The following PKD2 variants were observed in gnomAD, a reference collection of about 807,000 sequenced individuals.
The protein encoded by PKD2 is polycystin-2.
PKD2 carries 48 observed loss-of-function variants against 105.9 expected under a neutral mutation model. That is an observed-to-expected ratio of 0.45 (90% CI 0.36 to 0.58). The LOEUF is 0.58. Ranked by LOEUF, PKD2 falls within the 20% of genes least tolerant of loss-of-function variation. The probability of loss-of-function intolerance (pLI) is 0.00; values close to 1 mark genes in which losing one functional copy is unlikely to be tolerated. For missense variants in PKD2, 1,078 were observed against 1,255.3 expected (o/e 0.86, Z 2.13); for synonymous variants, 464 against 481.1 (o/e 0.96, Z 0.46).
chr4:88,025,885 A>T (rs1726943307), intron 2 of PKD2, among the ~76,000 whole-genome samples: 1 of 152,120 alleles, frequency 6.6e-6, no homozygotes, highest in African/African-American at 2.4e-5. Flanking sequence ...CCTTGTGAAG[A>T]AGGTACTTCC....
intron 3 of PKD2, 72 bp downstream of exon 3, chr4:88,036,425 C>T: frequency 1.2e-6 from 2 of 1,602,742 alleles, no homozygotes; most frequent in Non-Finnish European, 1.7e-6. Flanking sequence ...CATTTCAATG[C>T]ATGAGTATCG....
intron 2 of PKD2, among the ~76,000 whole-genome samples, chr4:88,028,485 C>T (rs1401163178): frequency 6.6e-6 from 1 of 152,210 alleles, no homozygotes; most frequent in Non-Finnish European, 1.5e-5. Flanking sequence ...CTGGAGGGCT[C>T]CTCGCCCTTT....
rs17013754 is a variant in PKD2 at position 88,046,681 on chromosome 4, A to G, written c.1359A>G (p.Pro453=). 1.8e-3 allele frequency: 2,901 copies of G among 1,613,526 alleles called. 33 individuals are homozygous for G. The African/African-American group carries it at 0.032, about 18-fold the overall frequency. ...TCCCAGCAACAGGTGGTGTGATTCC[A>G]TCTTGGCAATTTCAGCCTTTAAAGC... ...VEFPATGGVI[P]SWQFQPLKLI... Residue 453 remains proline (P), a synonymous_variant, in exon 6 of 15, where the codon CCA becomes CCG. Transcript: ENST00000237596.
intron 6 of PKD2, among the ~76,000 whole-genome samples, chr4:88,048,736 A>G (rs543872286): frequency 1.3e-5 from 2 of 152,348 alleles, no homozygotes; most frequent in South Asian, 4.1e-4. Context: ...TACGATGGCC[A>G]TACAACATCA....
At chr4:88,060,334 A>C (rs569991281) in intron 9 of PKD2, among the ~76,000 whole-genome samples, 1 of 152,304 alleles carries the variant, frequency 6.6e-6, no homozygotes, top group East Asian at 1.9e-4. Context: ...ACAGAATTGT[A>C]AACAATATTC....
At chr4:88,020,275 T>C (rs1477981740) in intron 2 of PKD2, among the ~76,000 whole-genome samples, 1 of 152,240 alleles carries the variant, frequency 6.6e-6, no homozygotes, top group African/African-American at 2.4e-5. Context: ...GCTACTAATA[T>C]TGCTTTTATT....
intron 2 of PKD2, among the ~76,000 whole-genome samples, chr4:88,020,322 G>A (rs888967229): frequency 3.6e-4 from 55 of 152,236 alleles, no homozygotes; most frequent in African/African-American, 1.3e-3. Flanking sequence ...TTTGGATTTG[G>A]ATATGTTGTG....
chr4:88,014,969 C>G (rs962046167), intron 1 of PKD2, among the ~76,000 whole-genome samples: 1 of 152,208 alleles, frequency 6.6e-6, no homozygotes, highest in Non-Finnish European at 1.5e-5. Context: ...GGTAAGCTTT[C>G]TCAGCTCCCA....
Position 88,075,616 on chromosome 4 carries a change from C to T in PKD2, c.2829C>T (p.Ser943=), listed in dbSNP as rs138495345. Residue 943 remains serine (S), a synonymous_variant, in exon 15 of 15, where the codon AGC becomes AGT. Transcript: ENST00000237596. Reference sequence around the variant, plus strand: ...TAAATGGTCAACCTCGCCCCAGAAGCTCCCGCCCATCTTCCTCCCAATCTA... The same window carrying T: ...TAAATGGTCAACCTCGCCCCAGAAGTTCCCGCCCATCTTCCTCCCAATCTA... The part of the protein sequence containing the change: ...VGLNGQPRPR[S]SRPSSSQSTE... 8.1e-5 allele frequency: 130 copies of T among 1,614,170 alleles called. No homozygotes were observed. The African/African-American group carries it at 1.4e-3, about 18-fold the overall frequency.
At chr4:88,014,153 G>A (rs1424105897) in intron 1 of PKD2, among the ~76,000 whole-genome samples, 1 of 152,212 alleles carries the variant, frequency 6.6e-6, no homozygotes, top group Non-Finnish European at 1.5e-5. Flanking sequence ...AACTCCATGG[G>A]AGGGATAAGA....
chr4:88,062,183 A>G (rs539528259), intron 10 of PKD2, among the ~76,000 whole-genome samples, 179 bp downstream of exon 10: 3 of 152,192 alleles, frequency 2.0e-5, no homozygotes, highest in Non-Finnish European at 4.4e-5. Context: ...ATATACTGCT[A>G]TCTTGAATTT....
At position 88,060,456 on chromosome 4, in the gene PKD2, A is replaced by ATATATATATATATATATC. The variant is rs962988624; in HGVS notation, c.2020-1449_2020-1448insATATATATATATATATCT. ...CCACTATATCCATATATATATATAT[A>ATATATATATATATATATC]TCATATATACTGTATAATACACACT... On this transcript the variant is annotated intron_variant, in intron 9 of 14. Transcript: ENST00000237596. Among the ~76,000 whole-genome samples, 9 of 151,212 alleles carry ATATATATATATATATATC rather than the reference A, an allele frequency of 6.0e-5. No individual in the cohort carries two copies. In the South Asian group the frequency reaches 1.9e-3, roughly 32 times the overall value.
intron 6 of PKD2, among the ~76,000 whole-genome samples, chr4:88,048,554 T>C (rs1452448272): frequency 1.3e-5 from 2 of 152,186 alleles, no homozygotes; most frequent in Non-Finnish European, 2.9e-5. Context: ...GTGCTTTTCA[T>C]GGTACAGAAG....
chr4:88,061,032 T>A (rs1174167525), intron 9 of PKD2, among the ~76,000 whole-genome samples: 1 of 152,246 alleles, frequency 6.6e-6, no homozygotes, highest in African/African-American at 2.4e-5. Context: ...AGTCTATCTC[T>A]CTTCCAGAAA....
At chr4:88,032,620 G>T (rs1388554681) in intron 2 of PKD2, among the ~76,000 whole-genome samples, 1 of 152,060 alleles carries the variant, frequency 6.6e-6, no homozygotes, top group African/African-American at 2.4e-5. Context: ...TCTCCTTTCT[G>T]GTCCTCATTT....
At chr4:88,052,429 C>A (rs866753418) in intron 7 of PKD2, among the ~76,000 whole-genome samples, 4 of 152,108 alleles carry the variant, frequency 2.6e-5, no homozygotes, top group Middle Eastern at 6.8e-3. Context: ...CCACCATACC[C>A]GGCTAATTTT....
intron 9 of PKD2, among the ~76,000 whole-genome samples, chr4:88,058,411 T>C (rs945746968): frequency 6.6e-6 from 1 of 152,162 alleles, no homozygotes; most frequent in Non-Finnish European, 1.5e-5. Context: ...AAAAAGAAAT[T>C]AGATCAAGTA....
At chr4:88,071,305 C>T (rs1414377530) in intron 13 of PKD2, among the ~76,000 whole-genome samples, 1 of 152,124 alleles carries the variant, frequency 6.6e-6, no homozygotes, top group Non-Finnish European at 1.5e-5. Flanking sequence ...CCTGCTCAGG[C>T]TCCCAAAGTG....
intron 9 of PKD2, among the ~76,000 whole-genome samples, chr4:88,059,212 G>A (rs1215897882): frequency 1.3e-5 from 2 of 152,096 alleles, no homozygotes; most frequent in Non-Finnish European, 2.9e-5. Flanking sequence ...TACTTTAACA[G>A]GACTGAAAAG....
Sources: gnomAD v4.1 joint callset for allele counts (sites outside exome capture counted in the v4.1 genomes callset) on GRCh38, gnomAD v4.1.1 for gene constraint, MANE v1.5 for transcripts, NCBI Gene and HGNC (gene_info 2026-07-23, HGNC 2026-07-21) for gene names.